The following RYR3 variants were observed in gnomAD, a reference collection of about 807,000 sequenced individuals.
The protein encoded by RYR3 is brain ryanodine receptor-calcium release channel.
Under a neutral mutation model 584.3 loss-of-function variants are expected in RYR3, and 207 were observed. That is an observed-to-expected ratio of 0.35 (90% confidence interval 0.32 to 0.40). The LOEUF is 0.40. RYR3 is among the 10% of genes least tolerant of loss of function. The pLI is 1.00. For missense variants in RYR3, 5,616 were observed against 6,089.2 expected (o/e 0.92, Z 2.59); for synonymous variants, 2,416 against 2,248.5 (o/e 1.07, Z -2.11).
intron 19 of RYR3, among the ~76,000 whole-genome samples, chr15:33,622,316 C>G (rs112852687): frequency 1.3e-5 from 2 of 152,194 alleles, no homozygotes; most frequent in Admixed American, 1.3e-4. Flanking sequence ...CCAAGGTCTT[C>G]TCCACCTCAG....
At chr15:33,748,358 A>G (rs1017863952) in intron 54 of RYR3, 98 bp downstream of exon 54, 8 of 1,540,892 alleles carry the variant, frequency 5.2e-6, no homozygotes, top group Non-Finnish European at 7.1e-6. Flanking sequence ...ACCATCTAAG[A>G]TGAACCCTGG....
intron 3 of RYR3, among the ~76,000 whole-genome samples, chr15:33,508,876 G>A (rs1009922315): frequency 1.3e-5 from 2 of 152,118 alleles, no homozygotes; most frequent in Non-Finnish European, 2.9e-5. Context: ...CTAGTGAAAT[G>A]GTGTGGCACA....
intron 84 of RYR3, 44 bp from the exon 85 acceptor site, chr15:33,827,155 C>A: frequency 6.7e-7 from 1 of 1,499,372 alleles, no homozygotes. Context: ...TTGGCCCCCT[C>A]GGCATGGCAG....
chr15:33,469,911 T>C (rs577216010), intron 1 of RYR3, among the ~76,000 whole-genome samples: 1 of 152,006 alleles, frequency 6.6e-6, no homozygotes, highest in African/African-American at 2.4e-5. Context: ...ACTAGAAGAA[T>C]ACAGAGATGA....
chr15:33,490,894 C>T (rs951429913), intron 2 of RYR3, among the ~76,000 whole-genome samples: 1 of 152,138 alleles, frequency 6.6e-6, no homozygotes, highest in African/African-American at 2.4e-5. Flanking sequence ...GTCAAGAATG[C>T]TTCTCCATAA....
chr15:33,434,591 G>T (rs1337786677), intron 1 of RYR3, among the ~76,000 whole-genome samples: 1 of 152,010 alleles, frequency 6.6e-6, no homozygotes, highest in Non-Finnish European at 1.5e-5. Flanking sequence ...AAAATATCTA[G>T]TACCCATATG....
At chr15:33,372,358 A>AT (rs59663566) in intron 1 of RYR3, among the ~76,000 whole-genome samples, 4,276 of 75,526 alleles carry the variant, frequency 0.057, 35 homozygotes, top group Non-Finnish European at 0.073. Context: ...TGCCCGGCTA[A>AT]TTTTTTTTTT....
chr15:33,610,473 G>A (rs765957222), intron 18 of RYR3, among the ~76,000 whole-genome samples: 2 of 152,180 alleles, frequency 1.3e-5, no homozygotes, highest in African/African-American at 2.4e-5. Context: ...AGTCCCAGGT[G>A]TAGTATCTGG....
At chr15:33,749,594 C>T (rs1322002480) in intron 55 of RYR3, among the ~76,000 whole-genome samples, 10 of 152,128 alleles carry the variant, frequency 6.6e-5, no homozygotes, top group Non-Finnish European at 1.0e-4. Context: ...TATAGGCTTT[C>T]GGGGGTTCTA....
chr15:33,778,409 T>C (rs749533125), intron 64 of RYR3, among the ~76,000 whole-genome samples: 24 of 152,124 alleles, frequency 1.6e-4, no homozygotes, highest in Non-Finnish European at 3.2e-4. Flanking sequence ...CTGAAAAAAA[T>C]TGCCTCTTGT....
intron 27 of RYR3, among the ~76,000 whole-genome samples, chr15:33,637,985 A>G (rs571978989): frequency 1.3e-5 from 2 of 151,956 alleles, no homozygotes; most frequent in East Asian, 3.9e-4. Flanking sequence ...CCGGTGTGTG[A>G]TGTTCCCCTT....
At chr15:33,572,770 T>C (rs886086728) in intron 12 of RYR3, among the ~76,000 whole-genome samples, 1 of 149,856 alleles carries the variant, frequency 6.7e-6, no homozygotes, top group Admixed American at 6.7e-5. Flanking sequence ...AGGTCGGGGG[T>C]TCGAGACCAG....
intron 18 of RYR3, among the ~76,000 whole-genome samples, chr15:33,610,490 G>A (rs1310677043): frequency 1.3e-5 from 2 of 152,156 alleles, no homozygotes; most frequent in Non-Finnish European, 2.9e-5. Context: ...CTGGCACATA[G>A]GAGAGCCTCA....
At chr15:33,473,835 G>A (rs544994577) in intron 2 of RYR3, among the ~76,000 whole-genome samples, 55 of 152,178 alleles carry the variant, frequency 3.6e-4, no homozygotes, top group Non-Finnish European at 7.6e-4. Context: ...AATACTCCCA[G>A]AATGCCTTTC....
intron 69 of RYR3, among the ~76,000 whole-genome samples, chr15:33,806,571 C>T (rs527983390): frequency 1.3e-5 from 2 of 151,786 alleles, no homozygotes; most frequent in Non-Finnish European, 2.9e-5. Flanking sequence ...TAGAAAATTG[C>T]AGTGAGTTAA....
chr15:33,313,336 A>G (rs1967623747), intron 1 of RYR3, among the ~76,000 whole-genome samples: 1 of 152,220 alleles, frequency 6.6e-6, no homozygotes, highest in Non-Finnish European at 1.5e-5. Context: ...AGAGCCTGGC[A>G]TTGAGCGTTA....
intron 43 of RYR3, among the ~76,000 whole-genome samples, chr15:33,713,636 G>T (rs144544226): frequency 2.6e-5 from 4 of 152,142 alleles, no homozygotes; most frequent in Non-Finnish European, 4.4e-5. Flanking sequence ...AATGAGGGAA[G>T]CATCTTAGTC....
intron 39 of RYR3, among the ~76,000 whole-genome samples, chr15:33,697,237 T>C (rs2065916038): frequency 6.6e-6 from 1 of 152,214 alleles, no homozygotes; most frequent in Non-Finnish European, 1.5e-5. Flanking sequence ...GGAAATGCAC[T>C]CATTCGTCAA....
chr15:33,638,103 A>G (rs1010673474), intron 27 of RYR3, among the ~76,000 whole-genome samples: 2 of 152,264 alleles, frequency 1.3e-5, no homozygotes, highest in African/African-American at 4.8e-5. Flanking sequence ...ACAAATGACT[A>G]AAGTCAAATG....
Sources: gnomAD v4.1 joint callset for allele counts (sites outside exome capture counted in the v4.1 genomes callset) on GRCh38, gnomAD v4.1.1 for gene constraint, MANE v1.5 for transcripts, NCBI Gene and HGNC (gene_info 2026-07-23, HGNC 2026-07-21) for gene names.